Variants in CTNNAL1 observed in about 807,000 individuals in gnomAD.
The protein encoded by CTNNAL1 is alpha-catulin.
Under a neutral mutation model 93.6 loss-of-function variants are expected in CTNNAL1, and 69 were observed. The observed-to-expected ratio is 0.74, with a 90% CI of 0.61 to 0.90. The LOEUF is 0.90. Among genes scored for constraint, CTNNAL1 ranks in the 40% least tolerant of loss-of-function variants. The probability of loss-of-function intolerance (pLI) is 0.00; values close to 1 mark genes in which losing one functional copy is unlikely to be tolerated. For synonymous variants in CTNNAL1, 286 were observed against 305.4 expected (o/e 0.94, Z 0.66); for missense variants, 836 against 862.0 (o/e 0.97, Z 0.38).
chr9:109,012,175 G>T (rs1435606080), intron 1 of CTNNAL1, among the ~76,000 whole-genome samples: 1 of 152,192 alleles, frequency 6.6e-6, no homozygotes, highest in Non-Finnish European at 1.5e-5. Context: ...CAGGAATCCA[G>T]GGACATGTGT....
intron 2 of CTNNAL1, among the ~76,000 whole-genome samples, chr9:108,995,367 A>C (rs764750002): frequency 4.6e-5 from 7 of 152,184 alleles, no homozygotes; most frequent in Non-Finnish European, 8.8e-5. Context: ...ATAAGCCTGC[A>C]CATATGGCAT....
At chr9:108,951,154 G>A (rs565369784) in intron 14 of CTNNAL1, among the ~76,000 whole-genome samples, 2 of 150,164 alleles carry the variant, frequency 1.3e-5, no homozygotes, top group East Asian at 3.9e-4. Flanking sequence ...GGGATTACAG[G>A]CGCCCGCCAC....
In CTNNAL1 at chr9:108,943,697, T is replaced by G; in HGVS notation, c.2055+6A>C. ...TGTGTGAAAGTTTTTCATATGTCTC[T>G]TTTACCTTTAGAAATACTTTATTCT... On this transcript the variant is annotated splice_donor_region_variant and intron_variant, in intron 17 of 18. Transcript: ENST00000325551. The G allele has an allele frequency of 6.2e-7, 1 of 1,605,240 alleles. No individual in the cohort carries two copies. The highest frequency in any genetic ancestry group is 8.5e-7 in the Non-Finnish European group (1 of 1,177,096).
intron 14 of CTNNAL1, among the ~76,000 whole-genome samples, chr9:108,949,418 A>T (rs908603685): frequency 1.8e-4 from 27 of 152,182 alleles, no homozygotes; most frequent in South Asian, 8.3e-4. Flanking sequence ...ATCTTTTTTT[A>T]AAAAGTTGGC....
intron 8 of CTNNAL1, among the ~76,000 whole-genome samples, chr9:108,974,476 A>G (rs1053901491): frequency 6.6e-6 from 1 of 152,212 alleles, no homozygotes; most frequent in Admixed American, 6.5e-5. Context: ...TTCAATAGAC[A>G]TATCAGTGCC....
chr9:108,972,864 G>GCCCCCCC, intron 8 of CTNNAL1, 31 bp from the exon 9 acceptor site: 45 of 142,362 alleles, frequency 3.2e-4, no homozygotes, highest in Non-Finnish European at 4.2e-4. Flanking sequence ...GGGGGGGTGG[G>GCCCCCCC]AGGGTGGAGA....
At chr9:109,007,266 T>G (rs942798538) in intron 1 of CTNNAL1, among the ~76,000 whole-genome samples, 1 of 151,866 alleles carries the variant, frequency 6.6e-6, no homozygotes, top group South Asian at 2.1e-4. Context: ...AAAACACGCA[T>G]GTATTCACAT....
At chr9:108,992,153 C>G (rs995027434) in intron 3 of CTNNAL1, 1 of 668,536 alleles carries the variant, frequency 1.5e-6, no homozygotes, top group African/African-American at 1.8e-5. Flanking sequence ...TAGTGCTCAC[C>G]TTTTCTTTCC....
intron 11 of CTNNAL1, among the ~76,000 whole-genome samples, chr9:108,963,248 G>A (rs2132114932): frequency 1.3e-5 from 2 of 152,300 alleles, no homozygotes; most frequent in Admixed American, 1.3e-4. Context: ...GGAAATAAAA[G>A]AGAGAAGAAA....
At chr9:108,973,767 C>A (rs371733298) in intron 8 of CTNNAL1, among the ~76,000 whole-genome samples, 3 of 150,326 alleles carry the variant, frequency 2.0e-5, no homozygotes, top group Admixed American at 6.6e-5. Context: ...TCAGAAAAAT[C>A]TGACTTTGAA....
At chr9:108,949,955 C>A (rs1830511019) in intron 14 of CTNNAL1, among the ~76,000 whole-genome samples, 1 of 136,456 alleles carries the variant, frequency 7.3e-6, no homozygotes, top group African/African-American at 2.8e-5. Context: ...ACTCAGGAGG[C>A]GGAGGTTGCA....
intron 1 of CTNNAL1, among the ~76,000 whole-genome samples, chr9:109,001,421 G>A (rs1352275925): frequency 6.6e-6 from 1 of 152,196 alleles, no homozygotes; most frequent in Non-Finnish European, 1.5e-5. Context: ...TCAAGAGGGA[G>A]AGCCTCATTT....
chr9:108,961,980 A>T (rs1046245247), intron 11 of CTNNAL1, among the ~76,000 whole-genome samples: 3 of 152,198 alleles, frequency 2.0e-5, no homozygotes, highest in African/African-American at 7.2e-5. Flanking sequence ...TTTTCACAGA[A>T]TTGGTTCATT....
At chr9:109,004,913 C>T (rs1826970388) in intron 1 of CTNNAL1, among the ~76,000 whole-genome samples, 1 of 152,086 alleles carries the variant, frequency 6.6e-6, no homozygotes, top group South Asian at 2.1e-4. Flanking sequence ...AGCTATCTTA[C>T]TTAATCCTCA....
chr9:108,984,297 G>C (rs375472608), intron 5 of CTNNAL1, 50 bp downstream of exon 5: 3 of 869,398 alleles, frequency 3.5e-6, no homozygotes, highest in African/African-American at 1.7e-5. Flanking sequence ...GCATTTAGTC[G>C]GGTGTTCTAA....
chr9:108,943,652 T>A (rs373556295), intron 17 of CTNNAL1, 51 bp downstream of exon 17: 193 of 1,496,100 alleles, frequency 1.3e-4, no homozygotes, highest in Non-Finnish European at 1.7e-4. Flanking sequence ...AAAAAGGGGC[T>A]TTAACCAGAT....
At chr9:108,990,664 C>A (rs2132172789) in intron 4 of CTNNAL1, 62 bp downstream of exon 4, 2 of 1,546,140 alleles carry the variant, frequency 1.3e-6, no homozygotes, top group Non-Finnish European at 1.7e-6. Context: ...AACGATCATA[C>A]CTCCATCCAA....
At chr9:108,962,152 T>A (rs2583072) in intron 11 of CTNNAL1, among the ~76,000 whole-genome samples, 141,502 of 152,208 alleles carry the variant, frequency 0.93, 65,880 homozygotes, top group East Asian at 1. Context: ...GTTTCATCAT[T>A]CATAAAATGT....
At chr9:108,966,966 CA>C (rs1383508395) in intron 10 of CTNNAL1, among the ~76,000 whole-genome samples, 1 of 152,164 alleles carries the variant, frequency 6.6e-6, no homozygotes, top group African/African-American at 2.4e-5. Flanking sequence ...CACACACACA[CA>C]AAGATCCAGG....
Sources: allele counts gnomAD v4.1 joint callset (sites outside exome capture counted in the v4.1 genomes callset), GRCh38; gene constraint gnomAD v4.1.1; transcripts MANE v1.5; gene names NCBI Gene and HGNC (gene_info 2026-07-23, HGNC 2026-07-21).